Variants in RIC8B observed in about 807,000 individuals in gnomAD.
RIC8B encodes the protein RIC8 guanine nucleotide exchange factor B.
A neutral mutation model predicts 57.5 loss-of-function variants in RIC8B; 16 were observed. That is an observed-to-expected ratio of 0.28 (90% CI 0.19 to 0.42). The LOEUF (loss-of-function observed/expected upper bound fraction) is 0.42. Ranked by LOEUF, RIC8B falls within the 10% of genes least tolerant of loss-of-function variation. The pLI, the probability that RIC8B is intolerant of heterozygous loss-of-function variation, is 1.00. For missense variants in RIC8B, 481 were observed against 677.0 expected (o/e 0.71, Z 3.21); for synonymous variants, 216 against 250.8 (o/e 0.86, Z 1.31).
At position 106,813,619 on chromosome 12, in the gene RIC8B, CTA is replaced by C. The variant is rs1476720585; in HGVS notation, c.133-1075_133-1074del. On this transcript the variant is annotated intron_variant, in intron 2 of 9. Coordinates refer to ENST00000392837, the MANE Select transcript of RIC8B (RefSeq NM_001330145.2). ...AAATAGGCATTTTTGTAGCTGATGA[CTA>C]TGTGCACATAGCCTAGGTTTCCTGA... is the stretch of plus-strand genomic sequence containing the variant. Among the ~76,000 whole-genome samples the C allele has an allele frequency of 4.6e-5, 7 of 152,294 alleles. No individual in the cohort carries two copies. In the South Asian group the frequency reaches 6.2e-4, roughly 14 times the overall value.
intron 4 of RIC8B, 114 bp downstream of exon 4, chr12:106,825,934 C>T: frequency 2.9e-6 from 2 of 687,408 alleles, no homozygotes; most frequent in Admixed American, 4.4e-5. Flanking sequence ...TACAGTAAAT[C>T]AGGTAACTGG....
intron 7 of RIC8B, among the ~76,000 whole-genome samples, chr12:106,853,449 T>C (rs1318787104): frequency 4.2e-5 from 6 of 141,636 alleles, no homozygotes; most frequent in South Asian, 4.6e-4. Context: ...TTCTGCTTTA[T>C]AGTCTTTTTT....
intron 1 of RIC8B, among the ~76,000 whole-genome samples, chr12:106,776,048 G>A (rs2043463670): frequency 6.6e-6 from 1 of 152,188 alleles, no homozygotes; most frequent in South Asian, 2.1e-4. Flanking sequence ...GGAGGAGAGT[G>A]ATGGTATTCC....
rs1282726239 is a variant in RIC8B, at chr12:106,824,227, TATC to T, written c.742-1495_742-1493del. ...GAAAGCATTAAAGCACTTTTATGCA[TATC>T]ATCTTCTTTAATCCTTTGTAACCCT... On this transcript the variant is annotated intron_variant, in intron 3 of 9. Coordinates refer to ENST00000392837, the MANE Select transcript of RIC8B (RefSeq NM_001330145.2). 2.6e-5 allele frequency among the ~76,000 whole-genome samples: 4 copies of T among 152,358 alleles called. No individual in the cohort carries two copies. In the East Asian group the frequency reaches 5.8e-4, roughly 22 times the overall value.
At chr12:106,841,646 T>G (rs951761592) in intron 4 of RIC8B, among the ~76,000 whole-genome samples, 33 of 152,154 alleles carry the variant, frequency 2.2e-4, no homozygotes, top group African/African-American at 7.5e-4. Flanking sequence ...TTAGATCTGC[T>G]TCTCTGTCAC....
At chr12:106,873,928 T>C (rs562245186) in intron 9 of RIC8B, among the ~76,000 whole-genome samples, 2 of 152,202 alleles carry the variant, frequency 1.3e-5, no homozygotes, top group Admixed American at 1.3e-4. Flanking sequence ...TAATAAGTCT[T>C]GGATAGTCAC....
intron 3 of RIC8B, among the ~76,000 whole-genome samples, chr12:106,818,516 A>G (rs1296769819): frequency 6.6e-6 from 1 of 152,106 alleles, no homozygotes; most frequent in Non-Finnish European, 1.5e-5. Flanking sequence ...GCTGGAATGC[A>G]GTGGTGTGAT....
intron 2 of RIC8B, among the ~76,000 whole-genome samples, chr12:106,808,081 T>C (rs1316665402): frequency 8.3e-6 from 1 of 120,588 alleles, no homozygotes; most frequent in African/African-American, 3.3e-5. Flanking sequence ...CGAGACTCTG[T>C]CTCAAAAAAA....
chr12:106,776,471 G>C (rs2043491772), intron 1 of RIC8B, among the ~76,000 whole-genome samples: 1 of 152,354 alleles, frequency 6.6e-6, no homozygotes, highest in South Asian at 2.1e-4. Context: ...CTATATGCCA[G>C]ATACCCAGCA....
At chr12:106,823,987 G>A (rs763165285) in intron 3 of RIC8B, among the ~76,000 whole-genome samples, 1 of 152,044 alleles carries the variant, frequency 6.6e-6, no homozygotes, top group Non-Finnish European at 1.5e-5. Flanking sequence ...CACCCGACTC[G>A]TATGAGAGAA....
At position 106,843,836 on chromosome 12, in the gene RIC8B, GTTT is replaced by G; in HGVS notation, c.1066-7_1066-5del. 1 of 1,241,858 alleles carries G rather than the reference GTTT, an allele frequency of 8.1e-7. No individual in the cohort carries two copies. The highest frequency in any genetic ancestry group is 1.1e-6 in the Non-Finnish European group (1 of 895,146). The allele number at this position is 1,241,858 out of a possible 1,614,324, so 76.9% of individuals were successfully genotyped here. ...AACTAACGTATTTCAAAAACATATG[GTTT>G]TTTTTTTTATAGGGAAGCAGCTATA... On this transcript the variant is annotated splice_polypyrimidine_tract_variant and intron_variant, in intron 5 of 9. Transcript: ENST00000392837.
chr12:106,886,103 C>T lies in RIC8B; in HGVS notation c.*88C>T, dbSNP rs1951175220. On this transcript the variant is annotated 3_prime_UTR_variant, in exon 10 of 10. Coordinates refer to ENST00000392837, the MANE Select transcript of RIC8B (RefSeq NM_001330145.2). ...GAATCTTTTCTCTAAAACATTTATG[C>T]CCTTGCTTTGGCTAGAAACACATTA... 1.1e-6 allele frequency: 1 copy of T among 929,090 alleles called. No homozygotes were observed. Among genetic ancestry groups the T allele is most frequent in the Non-Finnish European group, 1.7e-6 (1 of 582,832 alleles). The allele number at this position is 929,090 out of a possible 1,614,324, so 57.6% of individuals were successfully genotyped here. A position where few individuals can be genotyped will look rare whatever the true frequency, so the allele number is the denominator to read the frequency against.
At position 106,886,194 on chromosome 12, in the gene RIC8B, G is replaced by T; in HGVS notation, c.*179G>T. ...ACCCTGTGTTTTTTGTGATATTGAGGCATTCATACAGAGCTGCAGTTAGAC... is the reference window on the plus strand; with the variant it reads ...ACCCTGTGTTTTTTGTGATATTGAGTCATTCATACAGAGCTGCAGTTAGAC... On this transcript the variant is annotated 3_prime_UTR_variant, in exon 10 of 10. Transcript: ENST00000392837. 1 of 578,690 alleles carries T rather than the reference G, an allele frequency of 1.7e-6. No individual in the cohort carries two copies. Among genetic ancestry groups the T allele is most frequent in the South Asian group, 2.3e-5 (1 of 43,658 alleles). The allele number at this position is 578,690 out of a possible 1,614,324, so 35.8% of individuals were successfully genotyped here. A position where few individuals can be genotyped will look rare whatever the true frequency, so the allele number is the denominator to read the frequency against.
At chr12:106,776,188 T>A (rs1378356014) in intron 1 of RIC8B, among the ~76,000 whole-genome samples, 1 of 152,226 alleles carries the variant, frequency 6.6e-6, no homozygotes, top group Non-Finnish European at 1.5e-5. Flanking sequence ...TCTGCCGTAC[T>A]GTGTTGCTTT....
chr12:106,845,572 A>G (rs1949149241), intron 6 of RIC8B, among the ~76,000 whole-genome samples: 1 of 151,658 alleles, frequency 6.6e-6, no homozygotes, highest in Non-Finnish European at 1.5e-5. Flanking sequence ...ACCTGCATTT[A>G]TTTCCCCTCT....
intron 2 of RIC8B, among the ~76,000 whole-genome samples, chr12:106,793,159 T>C (rs1010185669): frequency 1.3e-5 from 2 of 152,142 alleles, no homozygotes; most frequent in Admixed American, 1.3e-4. Flanking sequence ...TGGCGGAACA[T>C]GGTTCCACCC....
chr12:106,842,753 A>G lies in RIC8B; in HGVS notation c.1001A>G (p.Tyr334Cys). The G allele has an allele frequency of 1.2e-6, 2 of 1,613,876 alleles. No homozygotes were observed. The highest frequency in any genetic ancestry group is 1.7e-6 in the Non-Finnish European group (2 of 1,179,774). ...ETVLKNNTMV[Y>C]NGMNMEAIHV... Reference sequence around the variant, plus strand: ...GTTTTGAAAAACAATACCATGGTATACAATGGTATGAATATGGAGGCCATT... The same window carrying G: ...GTTTTGAAAAACAATACCATGGTATGCAATGGTATGAATATGGAGGCCATT... The change falls in exon 5 of 10, where the codon TAC (tyrosine) becomes TGC (cysteine). Residue 334 changes from tyrosine to cysteine, a missense_variant. Tyr to Cys is a radical substitution (Grantham distance 194, BLOSUM62 -2). This residue lies in a region of RIC8B where 421 missense variants were observed against 560.9 expected (regional missense o/e 0.75). Transcript: ENST00000392837.
intron 1 of RIC8B, among the ~76,000 whole-genome samples, chr12:106,781,306 A>G (rs2043753540): frequency 6.6e-6 from 1 of 152,156 alleles, no homozygotes; most frequent in South Asian, 2.1e-4. Flanking sequence ...TTAAACATGT[A>G]AAGAAGGTGA....
intron 4 of RIC8B, 145 bp downstream of exon 4, chr12:106,825,965 T>C (rs2046080219): frequency 3.3e-6 from 2 of 604,002 alleles, no homozygotes; most frequent in Admixed American, 2.6e-5. Flanking sequence ...ATCATTATCA[T>C]GGAAATCATT....
Sources: allele counts gnomAD v4.1 joint callset (sites outside exome capture counted in the v4.1 genomes callset), GRCh38; gene constraint gnomAD v4.1.1; regional missense constraint gnomAD v4.1.1; transcripts MANE v1.5; gene names NCBI Gene and HGNC (gene_info 2026-07-23, HGNC 2026-07-21).